RALGAPA1: variants seen among roughly 807,000 people sequenced by gnomAD.
RALGAPA1 encodes Ral GTPase activating protein catalytic subunit alpha 1, also known as ral GTPase-activating protein subunit alpha-1.
RALGAPA1 carries 52 observed loss-of-function variants against 269.6 expected under a neutral mutation model. That is an observed-to-expected ratio of 0.19 (90% CI 0.15 to 0.24). RALGAPA1 has a LOEUF of 0.24. Among genes scored for constraint, RALGAPA1 ranks in the 10% least tolerant of loss-of-function variants. RALGAPA1 has a pLI of 1.00. For missense variants in RALGAPA1, 1,917 were observed against 3,013.9 expected, an observed-to-expected ratio of 0.64 and a Z score of 8.52; for synonymous variants, 817 against 1,008.3, an observed-to-expected ratio of 0.81 and a Z score of 3.60.
intron 39 of RALGAPA1, among the ~76,000 whole-genome samples, chr14:35,562,988 T>A (rs1043285337): frequency 8.7e-6 from 1 of 115,022 alleles, no homozygotes; most frequent in African/African-American, 3.4e-5. Context: ...ACCACTGTAC[T>A]CCAGCCTGGG....
At chr14:35,661,931 C>G (rs975489637) in intron 27 of RALGAPA1, among the ~76,000 whole-genome samples, 1 of 152,016 alleles carries the variant, frequency 6.6e-6, no homozygotes, top group African/African-American at 2.4e-5. Context: ...AATATGCAGG[C>G]AAATCCATAA....
intron 28 of RALGAPA1, among the ~76,000 whole-genome samples, chr14:35,656,773 A>T (rs1007180626): frequency 5.9e-5 from 9 of 152,114 alleles, no homozygotes; most frequent in Non-Finnish European, 1.0e-4. Context: ...AGGCTACCAA[A>T]CTGTTTACTA....
intron 30 of RALGAPA1, 24 bp from the exon 31 acceptor site, chr14:35,651,897 T>A (rs79404281): frequency 2.5e-6 from 4 of 1,577,006 alleles, no homozygotes; most frequent in Non-Finnish European, 2.6e-6. Context: ...AAAATTTTTT[T>A]AAAAGCTCTA....
At chr14:35,697,192 A>C (rs1023708029) in intron 17 of RALGAPA1, among the ~76,000 whole-genome samples, 2 of 152,242 alleles carry the variant, frequency 1.3e-5, no homozygotes, top group Non-Finnish European at 2.9e-5. Context: ...TCTACAATGT[A>C]AACTGGTAGA....
intron 16 of RALGAPA1, among the ~76,000 whole-genome samples, chr14:35,713,988 G>A (rs140909844): frequency 2.0e-5 from 3 of 151,828 alleles, no homozygotes; most frequent in South Asian, 2.1e-4. Context: ...CCTGCTACTC[G>A]AGAAGCTGAG....
intron 12 of RALGAPA1, among the ~76,000 whole-genome samples, chr14:35,732,230 A>C (rs959646349): frequency 1.3e-5 from 2 of 152,226 alleles, no homozygotes; most frequent in African/African-American, 4.8e-5. Context: ...AGAACTGCTA[A>C]AAGGTGCTTT....
intron 41 of RALGAPA1, among the ~76,000 whole-genome samples, chr14:35,541,553 A>C (rs1198187952): frequency 6.6e-6 from 1 of 152,134 alleles, no homozygotes; most frequent in Non-Finnish European, 1.5e-5. Context: ...CTCTTCCTGA[A>C]GATCTGAATT....
intron 1 of RALGAPA1, among the ~76,000 whole-genome samples, chr14:35,793,427 G>C (rs1038232539): frequency 6.6e-6 from 1 of 152,030 alleles, no homozygotes. Flanking sequence ...AGTAGAGACA[G>C]GGTTTCTCCA....
intron 5 of RALGAPA1, among the ~76,000 whole-genome samples, chr14:35,761,457 G>C (rs1259129001): frequency 6.6e-6 from 1 of 151,772 alleles, no homozygotes; most frequent in East Asian, 1.9e-4. Context: ...CCCCTGAAAA[G>C]TTCTGAAATT....
chr14:35,546,454 G>GTAATAA (rs10622401), intron 41 of RALGAPA1, among the ~76,000 whole-genome samples: 17 of 149,940 alleles, frequency 1.1e-4, no homozygotes, highest in South Asian at 6.3e-4. Context: ...AATTTAAAGT[G>GTAATAA]TAATAATAAT....
chr14:35,539,478 A>T lies in RALGAPA1; in HGVS notation c.*236T>A. 1 of 1,484,254 alleles carries T rather than the reference A, an allele frequency of 6.7e-7. No homozygotes were observed. Among genetic ancestry groups the T allele is most frequent in the Non-Finnish European group, 9.0e-7 (1 of 1,111,780 alleles). 91.9% of individuals were successfully genotyped at this position (1,484,254 alleles called of 1,614,324 possible). On this transcript the variant is annotated 3_prime_UTR_variant, in exon 42 of 42. Transcript: ENST00000680220. ...TGTTATGGCAGACATGAAGGCCTGA[A>T]AGGGTTAACCCTATGTTCGTGCTAA...
At chr14:35,605,471 A>G in intron 36 of RALGAPA1, 115 bp downstream of exon 36, 1 of 1,061,072 alleles carries the variant, frequency 9.4e-7, no homozygotes, top group South Asian at 1.9e-5. Context: ...ATAACAAACT[A>G]GTTGTTAAGT....
chr14:35,578,608 C>A (rs1447297373), intron 37 of RALGAPA1, among the ~76,000 whole-genome samples: 2 of 152,156 alleles, frequency 1.3e-5, no homozygotes, highest in African/African-American at 4.8e-5. Flanking sequence ...AATACTATGC[C>A]TTAGCAGAGT....
chr14:35,664,690 A>G lies in RALGAPA1; in HGVS notation c.5280T>C (p.Leu1760=). The stretch of plus-strand genomic sequence containing the variant: ...CAGCAACATCAGGAATGTTGGGATG[A>G]AGAGAAGGCAGTTCACAATATAAGT... The part of the protein sequence containing the change: ...FPNLYCELPS[L]HPNIPDVAVS... Residue 1760 remains leucine (L), a synonymous_variant, in exon 27 of 42, where the codon CTT becomes CTC. Transcript: ENST00000680220. 2 of 1,612,758 alleles carry G rather than the reference A, an allele frequency of 1.2e-6. No homozygotes were observed. Among genetic ancestry groups the G allele is most frequent in the Non-Finnish European group, 1.7e-6 (2 of 1,179,306 alleles).
At chr14:35,796,610 AAG>A (rs2076578620) in intron 1 of RALGAPA1, among the ~76,000 whole-genome samples, 1 of 152,176 alleles carries the variant, frequency 6.6e-6, no homozygotes, top group Non-Finnish European at 1.5e-5. Context: ...ACCAGTGATG[AAG>A]AGGTCTTAAA....
intron 30 of RALGAPA1, among the ~76,000 whole-genome samples, chr14:35,652,934 T>C (rs964362115): frequency 1.3e-5 from 2 of 152,250 alleles, no homozygotes; most frequent in African/African-American, 4.8e-5. Context: ...CTGTATTGTA[T>C]GCTATTACAT....
chr14:35,630,897 A>C (rs1282802759), intron 33 of RALGAPA1, among the ~76,000 whole-genome samples: 3 of 152,072 alleles, frequency 2.0e-5, no homozygotes, highest in African/African-American at 4.8e-5. Flanking sequence ...AAAATAAATA[A>C]ATAAAAGTTC....
intron 35 of RALGAPA1, among the ~76,000 whole-genome samples, chr14:35,607,932 G>A (rs2059692876): frequency 6.6e-6 from 1 of 152,152 alleles, no homozygotes. Flanking sequence ...AACAATTAGA[G>A]TAAGATGTAG....
Position 35,686,681 on chromosome 14 carries a change from ATAAC to A in RALGAPA1, c.3953-19_3953-16del. ...CTCTTTATTGACTAAAAATAAATAA[ATAAC>A]TATATATAGTGAGGAAAAACTTAAC... On this transcript the variant is annotated splice_polypyrimidine_tract_variant and intron_variant, in intron 18 of 41. Transcript: ENST00000680220. 6.8e-7 allele frequency: 1 copy of A among 1,467,446 alleles called. No homozygotes were observed. The highest frequency in any genetic ancestry group is 9.3e-7 in the Non-Finnish European group (1 of 1,077,720). 90.9% of individuals were successfully genotyped at this position (1,467,446 alleles called of 1,614,324 possible). A position where few individuals can be genotyped will look rare whatever the true frequency, so the allele number is the denominator to read the frequency against.
Sources: gnomAD v4.1 joint callset for allele counts (sites outside exome capture counted in the v4.1 genomes callset) on GRCh38, gnomAD v4.1.1 for gene constraint, MANE v1.5 for transcripts, NCBI Gene and HGNC (gene_info 2026-07-23, HGNC 2026-07-21) for gene names.